UBE2QL1: variants seen among roughly 807,000 people sequenced by gnomAD.
UBE2QL1 encodes the protein ubiquitin conjugating enzyme E2 QL1, also known as ubiquitin-conjugating enzyme E2Q-like protein 1.
In UBE2QL1, 5 loss-of-function variants were observed where a neutral mutation model predicts 12.6. The observed-to-expected ratio is 0.40, with a 90% CI of 0.21 to 0.83. The LOEUF is 0.83. Among genes scored for constraint, UBE2QL1 ranks in the 40% least tolerant of loss-of-function variants. The probability of loss-of-function intolerance (pLI) is 0.37; values close to 1 mark genes in which losing one functional copy is unlikely to be tolerated. For missense variants in UBE2QL1, 99 were observed against 222.6 expected (o/e 0.44, Z 3.53); for synonymous variants, 96 against 94.5 (o/e 1.02, Z -0.10).
chr5:6,487,180 C>T (rs1734482647), intron 1 of UBE2QL1, among the ~76,000 whole-genome samples: 1 of 152,096 alleles, frequency 6.6e-6, no homozygotes, highest in Non-Finnish European at 1.5e-5. Flanking sequence ...ACATGGGGGC[C>T]GAACTGGGGA....
At chr5:6,475,285 G>A (rs1734208043) in intron 1 of UBE2QL1, among the ~76,000 whole-genome samples, 1 of 152,146 alleles carries the variant, frequency 6.6e-6, no homozygotes, top group Non-Finnish European at 1.5e-5. Context: ...CAGTCCTTTA[G>A]TTTTCTAAGC....
chr5:6,469,928 C>A (rs1037505110), intron 1 of UBE2QL1, among the ~76,000 whole-genome samples: 1 of 152,186 alleles, frequency 6.6e-6, no homozygotes, highest in Admixed American at 6.5e-5. Flanking sequence ...GAATCAGACA[C>A]CCCTCTGTGA....
chr5:6,462,354 G>A (rs1171797989), intron 1 of UBE2QL1, among the ~76,000 whole-genome samples: 2 of 152,176 alleles, frequency 1.3e-5, no homozygotes, highest in African/African-American at 4.8e-5. Flanking sequence ...CCCCAGATTT[G>A]CATTCAGCTT....
chr5:6,477,286 C>T (rs1300598541), intron 1 of UBE2QL1, among the ~76,000 whole-genome samples: 1 of 152,244 alleles, frequency 6.6e-6, no homozygotes, highest in Non-Finnish European at 1.5e-5. Flanking sequence ...CCATTTTAGT[C>T]ATGCCAAAGA....
At chr5:6,464,759 G>A (rs80124532) in intron 1 of UBE2QL1, among the ~76,000 whole-genome samples, 3,273 of 152,218 alleles carry the variant, frequency 0.022, 50 homozygotes, top group Middle Eastern at 0.044. Flanking sequence ...CCTTAATGAC[G>A]TTTCAAAAAT....
chr5:6,496,160 C>T lies in UBE2QL1; in HGVS notation c.*4811C>T, dbSNP rs990830790. Among the ~76,000 whole-genome samples the T allele has an allele frequency of 2.0e-5, 3 of 152,164 alleles. No individual in the cohort carries two copies. Among genetic ancestry groups the T allele is most frequent in the Non-Finnish European group, 4.4e-5 (3 of 68,032 alleles). ...GGCCGCATGGAGGGATAAAGAGATCCCTGCACTGCCCCCAACCGCCAATTC... is the reference window on the plus strand; with the variant it reads ...GGCCGCATGGAGGGATAAAGAGATCTCTGCACTGCCCCCAACCGCCAATTC... On this transcript the variant is annotated 3_prime_UTR_variant, in exon 2 of 2. Transcript: ENST00000399816.
At chr5:6,480,663 C>G (rs1309567730) in intron 1 of UBE2QL1, among the ~76,000 whole-genome samples, 1 of 152,190 alleles carries the variant, frequency 6.6e-6, no homozygotes, top group African/African-American at 2.4e-5. Context: ...CTAGTACTTT[C>G]TTTAAAATGT....
In UBE2QL1 at chr5:6,494,543, G is replaced by A. The variant is rs969887867; in HGVS notation, c.*3194G>A. 10 of 152,210 alleles carry A rather than the reference G, an allele frequency of 6.6e-5. No homozygotes were observed. The highest frequency in any genetic ancestry group is 1.2e-4 in the Non-Finnish European group (8 of 68,044). 9.4% of individuals were successfully genotyped at this position (152,210 alleles called of 1,614,324 possible). On this transcript the variant is annotated 3_prime_UTR_variant, in exon 2 of 2. Transcript: ENST00000399816. ...ACCTGCCTGAGCCTTGGTTTCCTCA[G>A]CTGTGAGCTCCTACCAGGTCAGTGT...
intron 1 of UBE2QL1, among the ~76,000 whole-genome samples, chr5:6,485,379 C>A (rs1734445182): frequency 6.6e-6 from 1 of 152,138 alleles, no homozygotes. Flanking sequence ...TGATTTTTTT[C>A]TAGGATTTGC....
chr5:6,461,929 G>A (rs751091682), intron 1 of UBE2QL1, among the ~76,000 whole-genome samples: 11 of 152,120 alleles, frequency 7.2e-5, no homozygotes, highest in Non-Finnish European at 1.2e-4. Flanking sequence ...TGGATAAGCC[G>A]CAGGCTCTCA....
rs1734613998 is a variant in UBE2QL1 at position 6,493,394 on chromosome 5, G to A, written c.*2045G>A. 1 of 152,112 alleles carries A rather than the reference G, an allele frequency of 6.6e-6. No individual in the cohort carries two copies. Among genetic ancestry groups the A allele is most frequent in the African/African-American group, 2.4e-5 (1 of 41,404 alleles). 9.4% of individuals were successfully genotyped at this position (152,112 alleles called of 1,614,324 possible). A position where few individuals can be genotyped will look rare whatever the true frequency, so the allele number is the denominator to read the frequency against. ...ACTAAAAGCAGCTTTACTTTAGGGGGAAAAATATATCCAAAGGCAGGTCAT... is the reference window on the plus strand; with the variant it reads ...ACTAAAAGCAGCTTTACTTTAGGGGAAAAAATATATCCAAAGGCAGGTCAT... On this transcript the variant is annotated 3_prime_UTR_variant, in exon 2 of 2. Transcript: ENST00000399816.
intron 1 of UBE2QL1, among the ~76,000 whole-genome samples, chr5:6,449,876 C>T (rs570739724): frequency 0.15 from 19,308 of 131,928 alleles, 1,934 homozygotes; most frequent in Middle Eastern, 0.21. Flanking sequence ...CAACCCCCCC[C>T]ACACACACAC....
At chr5:6,450,100 C>T (rs1291518951) in intron 1 of UBE2QL1, among the ~76,000 whole-genome samples, 1 of 137,356 alleles carries the variant, frequency 7.3e-6, no homozygotes, top group Non-Finnish European at 1.6e-5. Context: ...CCCCCCCCCA[C>T]GGCAATGCCT....
intron 1 of UBE2QL1, among the ~76,000 whole-genome samples, chr5:6,470,329 C>T (rs1219295940): frequency 1.3e-5 from 2 of 152,268 alleles, no homozygotes; most frequent in African/African-American, 4.8e-5. Flanking sequence ...CCAGGAAAAG[C>T]GTGGATTACG....
In UBE2QL1 at chr5:6,496,570, G is replaced by A. The variant is rs1047855548; in HGVS notation, c.*5221G>A. On this transcript the variant is annotated 3_prime_UTR_variant, in exon 2 of 2. Coordinates refer to ENST00000399816, the MANE Select transcript of UBE2QL1 (RefSeq NM_001145161.3). ...GATCCTCAAAAGAAGAGAAAAAAAC[G>A]CATGTGGCATAAATCAACAGGAAAG... Among the ~76,000 whole-genome samples the A allele has an allele frequency of 6.6e-6, 1 of 152,082 alleles. No homozygotes were observed. The highest frequency in any genetic ancestry group is 1.5e-5 in the Non-Finnish European group (1 of 68,018).
chr5:6,457,706 A>G (rs950455984), intron 1 of UBE2QL1, among the ~76,000 whole-genome samples: 1 of 152,216 alleles, frequency 6.6e-6, no homozygotes, highest in African/African-American at 2.4e-5. Context: ...CTGAGGTTGA[A>G]TCATGCACAG....
In UBE2QL1 at chr5:6,492,342, A is replaced by G. The variant is rs1430596171; in HGVS notation, c.*993A>G. Reference sequence around the variant, plus strand: ...TACGATGATTTGCATGATCGGGTCTATTTCACCCAATAGTCACTTGTGTGT... The same window carrying G: ...TACGATGATTTGCATGATCGGGTCTGTTTCACCCAATAGTCACTTGTGTGT... On this transcript the variant is annotated 3_prime_UTR_variant, in exon 2 of 2. Transcript: ENST00000399816. The G allele has an allele frequency of 2.6e-5, 4 of 152,208 alleles. No homozygotes were observed. The East Asian group carries it at 5.8e-4, about 22-fold the overall frequency. 9.4% of individuals were successfully genotyped at this position (152,208 alleles called of 1,614,324 possible).
intron 1 of UBE2QL1, among the ~76,000 whole-genome samples, chr5:6,486,426 C>T (rs1734469392): frequency 6.6e-6 from 1 of 152,138 alleles, no homozygotes; most frequent in Non-Finnish European, 1.5e-5. Context: ...ATTTGGGACC[C>T]CTTGTCCTCT....
chr5:6,450,047 G>A (rs1440651879), intron 1 of UBE2QL1, among the ~76,000 whole-genome samples: 1 of 151,834 alleles, frequency 6.6e-6, no homozygotes, highest in Non-Finnish European at 1.5e-5. Context: ...TAGAGAGGCG[G>A]CGGTGTGGTT....
Sources: allele counts gnomAD v4.1 joint callset (sites outside exome capture counted in the v4.1 genomes callset), GRCh38; gene constraint gnomAD v4.1.1; transcripts MANE v1.5; gene names NCBI Gene and HGNC (gene_info 2026-07-23, HGNC 2026-07-21).